The following PNPLA1 variants were observed in gnomAD, a reference collection of about 807,000 sequenced individuals.
PNPLA1 encodes the protein omega-hydroxyceramide transacylase.
A neutral mutation model predicts 51.7 loss-of-function variants in PNPLA1; 36 were observed. The ratio of observed to expected loss-of-function variants is 0.70; its 90% CI spans 0.53 to 0.92. The LOEUF (loss-of-function observed/expected upper bound fraction) is 0.92, where lower values mean the gene tolerates loss of function less well. Among genes scored for constraint, PNPLA1 ranks in the 40% least tolerant of loss-of-function variants. The pLI is 0.00. For missense variants in PNPLA1, 658 were observed against 682.5 expected, an observed-to-expected ratio of 0.96 and a Z score of 0.40; for synonymous variants, 293 against 280.1, an observed-to-expected ratio of 1.05 and a Z score of -0.46.
rs1212752036 is a variant in PNPLA1, at chr6:36,308,489, A to T, written c.1595+777A>T. The T allele has an allele frequency of 6.6e-6, 1 of 152,162 alleles. No homozygotes were observed. The highest frequency in any genetic ancestry group is 1.5e-5 in the Non-Finnish European group (1 of 68,038). 9.4% of individuals were successfully genotyped at this position (152,162 alleles called of 1,614,324 possible). ...TAGGCCTGCTTCTTATAGCTTTTTGACTATATTATGCTGTCTTTGACTTAG... is the reference window on the plus strand; with the variant it reads ...TAGGCCTGCTTCTTATAGCTTTTTGTCTATATTATGCTGTCTTTGACTTAG... On this transcript the variant is annotated intron_variant, in intron 8 of 8. Transcript: ENST00000636260.
At chr6:36,265,041 T>C (rs1339193617) in intron 1 of PNPLA1, among the ~76,000 whole-genome samples, 1 of 152,234 alleles carries the variant, frequency 6.6e-6, no homozygotes, top group African/African-American at 2.4e-5. Flanking sequence ...AGTGGAGGGC[T>C]GTTTAATTAG....
At chr6:36,256,543 G>T (rs950966528) in intron 1 of PNPLA1, among the ~76,000 whole-genome samples, 1 of 152,038 alleles carries the variant, frequency 6.6e-6, no homozygotes, top group African/African-American at 2.4e-5. Flanking sequence ...CACCTCCTGG[G>T]TTCAAACAAT....
intron 5 of PNPLA1, among the ~76,000 whole-genome samples, chr6:36,301,028 T>C (rs73421662): frequency 1.6e-3 from 250 of 152,350 alleles, no homozygotes; most frequent in African/African-American, 5.6e-3. Flanking sequence ...GCCCTTTCAG[T>C]TGGCTCTTTC....
At chr6:36,308,936 G>C in intron 8 of PNPLA1, among the ~76,000 whole-genome samples, 1 of 152,156 alleles carries the variant, frequency 6.6e-6, no homozygotes, top group Non-Finnish European at 1.5e-5. Flanking sequence ...TGGAGTCTGG[G>C]CTGGGCAACA....
At chr6:36,304,246 A>G (rs1771163735) in intron 6 of PNPLA1, among the ~76,000 whole-genome samples, 1 of 152,162 alleles carries the variant, frequency 6.6e-6, no homozygotes, top group Non-Finnish European at 1.5e-5. Context: ...AACGTCACAG[A>G]TCGGCAATGT....
chr6:36,263,814 C>A (rs1769704949), intron 1 of PNPLA1, among the ~76,000 whole-genome samples: 1 of 152,202 alleles, frequency 6.6e-6, no homozygotes, highest in Non-Finnish European at 1.5e-5. Context: ...CTCTGATCCA[C>A]CCTCTCTATC....
At chr6:36,261,390 A>T (rs911347041) in intron 1 of PNPLA1, among the ~76,000 whole-genome samples, 2 of 152,254 alleles carry the variant, frequency 1.3e-5, no homozygotes, top group African/African-American at 4.8e-5. Context: ...TAAATAAGGC[A>T]CAGAAGTGCT....
chr6:36,301,513 C>A (rs1445914487), intron 5 of PNPLA1, among the ~76,000 whole-genome samples: 1 of 151,996 alleles, frequency 6.6e-6, no homozygotes, highest in South Asian at 2.1e-4. Context: ...GCTGAAACAC[C>A]CTCACCACCC....
intron 1 of PNPLA1, among the ~76,000 whole-genome samples, chr6:36,261,640 G>A (rs556525914): frequency 6.6e-6 from 1 of 152,320 alleles, no homozygotes; most frequent in African/African-American, 2.4e-5. Context: ...TTACAAAAGC[G>A]AGAAATAAAG....
At chr6:36,288,441 CTAT>C (rs373950832) in intron 1 of PNPLA1, among the ~76,000 whole-genome samples, 7 of 112,880 alleles carry the variant, frequency 6.2e-5, no homozygotes, top group Non-Finnish European at 1.1e-4. Context: ...TAAGGAGACC[CTAT>C]TTTTTTTTTT....
intron 1 of PNPLA1, among the ~76,000 whole-genome samples, chr6:36,285,917 T>G (rs372275281): frequency 4.4e-4 from 67 of 152,266 alleles, no homozygotes; most frequent in African/African-American, 1.6e-3. Context: ...ACTCTGAAAC[T>G]GGGGTGCACC....
chr6:36,261,847 G>A (rs988388852), intron 1 of PNPLA1, among the ~76,000 whole-genome samples: 15 of 152,150 alleles, frequency 9.9e-5, no homozygotes, highest in African/African-American at 3.6e-4. Context: ...ATACTGTACC[G>A]CCCTAAGAAA....
intron 6 of PNPLA1, among the ~76,000 whole-genome samples, chr6:36,305,509 A>G (rs1226417709): frequency 6.6e-6 from 1 of 152,198 alleles, no homozygotes; most frequent in East Asian, 1.9e-4. Flanking sequence ...CTTTATTTAT[A>G]TATAATACAT....
At chr6:36,268,413 A>G (rs1769812434), upstream of PNPLA1, among the ~76,000 whole-genome samples, 1 of 152,182 alleles carries the variant, frequency 6.6e-6, no homozygotes, top group Non-Finnish European at 1.5e-5. Flanking sequence ...CTGCCTGTAA[A>G]TAGCAGAGTT....
chr6:36,300,178 T>TGTGTGTGAGAGAGAGAGAGAGAGGGA, intron 5 of PNPLA1, among the ~76,000 whole-genome samples: 1 of 98,088 alleles, frequency 1.0e-5, no homozygotes, highest in Admixed American at 1.3e-4. Flanking sequence ...TGTGTGTGTG[T>TGTGTGTGAGAGAGAGAGAGAGAGGGA]GAGAGAGAGA....
At chr6:36,259,753 T>C (rs1386027712) in intron 1 of PNPLA1, among the ~76,000 whole-genome samples, 2 of 152,212 alleles carry the variant, frequency 1.3e-5, no homozygotes, top group African/African-American at 4.8e-5. Context: ...AGATACCGCA[T>C]GTTCTCACTT....
At chr6:36,251,799 G>T (rs548772610) in intron 1 of PNPLA1, among the ~76,000 whole-genome samples, 23 of 152,034 alleles carry the variant, frequency 1.5e-4, no homozygotes, top group Admixed American at 3.3e-4. Context: ...TTTTTAATTA[G>T]CCAGGTGAGG....
chr6:36,303,589 T>C (rs372247776), intron 6 of PNPLA1, among the ~76,000 whole-genome samples: 1 of 151,970 alleles, frequency 6.6e-6, no homozygotes, highest in East Asian at 1.9e-4. Flanking sequence ...TCCAGCACTT[T>C]GGGAGGCCAA....
At chr6:36,278,617 A>G (rs1020126576) in intron 1 of PNPLA1, among the ~76,000 whole-genome samples, 1 of 152,182 alleles carries the variant, frequency 6.6e-6, no homozygotes, top group South Asian at 2.1e-4. Context: ...CTGCACTAGT[A>G]CAGCCCCGCT....
Sources: gnomAD v4.1 joint callset for allele counts (sites outside exome capture counted in the v4.1 genomes callset) on GRCh38, gnomAD v4.1.1 for gene constraint, MANE v1.5 for transcripts, NCBI Gene and HGNC (gene_info 2026-07-23, HGNC 2026-07-21) for gene names.